Variants in CDK5RAP2 observed in about 807,000 individuals in gnomAD.
The protein encoded by CDK5RAP2 is CDK5 regulatory subunit-associated protein 2.
A neutral mutation model predicts 232.9 loss-of-function variants in CDK5RAP2; 147 were observed. The observed-to-expected ratio is 0.63, with a 90% confidence interval of 0.55 to 0.72. The LOEUF (loss-of-function observed/expected upper bound fraction) is 0.72. Ranked by LOEUF, CDK5RAP2 falls within the 30% of genes least tolerant of loss-of-function variation. CDK5RAP2 has a pLI of 0.00. For synonymous variants in CDK5RAP2, 833 were observed against 833.7 expected, an observed-to-expected ratio of 1.00 and a Z score of 0.01; for missense variants, 2,195 against 2,231.5, an observed-to-expected ratio of 0.98 and a Z score of 0.33.
intron 17 of CDK5RAP2, among the ~76,000 whole-genome samples, chr9:120,469,125 C>A (rs1588421206): frequency 6.6e-6 from 1 of 152,168 alleles, no homozygotes; most frequent in Non-Finnish European, 1.5e-5. Flanking sequence ...ATACTCCTTG[C>A]CCTATTCCTC....
intron 1 of CDK5RAP2, among the ~76,000 whole-genome samples, chr9:120,572,252 ACAT>A (rs1259552493): frequency 6.6e-6 from 1 of 152,204 alleles, no homozygotes; most frequent in African/African-American, 2.4e-5. Flanking sequence ...ACCTTCAGTA[ACAT>A]CATTCATTCA....
At chr9:120,440,093 G>T in intron 23 of CDK5RAP2, 121 bp from the exon 24 acceptor site, 1 of 821,196 alleles carries the variant, frequency 1.2e-6, no homozygotes, top group Non-Finnish European at 2.0e-6. Flanking sequence ...CCCTCAAAAA[G>T]GCCCTAGTAT....
At chr9:120,507,637 G>C (rs1048313485) in intron 12 of CDK5RAP2, among the ~76,000 whole-genome samples, 1 of 151,798 alleles carries the variant, frequency 6.6e-6, no homozygotes, top group Non-Finnish European at 1.5e-5. Context: ...CCATCCTAAG[G>C]AATCTGCAGA....
chr9:120,548,416 C>A (rs978353888), intron 4 of CDK5RAP2, among the ~76,000 whole-genome samples: 1 of 152,178 alleles, frequency 6.6e-6, no homozygotes, highest in African/African-American at 2.4e-5. Flanking sequence ...TTTTCTCAAG[C>A]CCAATATCTC....
intron 12 of CDK5RAP2, among the ~76,000 whole-genome samples, chr9:120,493,908 A>T (rs2039027589): frequency 6.6e-6 from 1 of 152,148 alleles, no homozygotes; most frequent in South Asian, 2.1e-4. Context: ...CTTGGCCAAC[A>T]TGGCGAAACT....
At chr9:120,473,948 A>C (rs1036558574) in intron 15 of CDK5RAP2, among the ~76,000 whole-genome samples, 1 of 152,180 alleles carries the variant, frequency 6.6e-6, no homozygotes, top group Non-Finnish European at 1.5e-5. Context: ...GGGAGAACAA[A>C]AGGTGCTTCA....
In CDK5RAP2 at chr9:120,536,443, G is replaced by T. The variant is rs2041389213; in HGVS notation, c.591C>A (p.Ser197Arg). 14 of 1,614,036 alleles carry T rather than the reference G, an allele frequency of 8.7e-6. No individual in the cohort carries two copies. The highest frequency in any genetic ancestry group is 1.1e-5 in the Non-Finnish European group (13 of 1,180,026). ...GCATCTTCTTCATCTCTGAAAGCTT[G>T]CTTTCCAAACGCAACCGAAGAGCCT... ...TEKALRLRLE[S>R]KLSEMKKMHE... Residue 197 changes from serine (S) to arginine (R), a missense_variant, in exon 7 of 38, where the codon AGC becomes AGA. Physicochemically the swap from Ser to Arg is moderately radical, Grantham distance 110 (BLOSUM62 -1). Transcript: ENST00000349780.
At chr9:120,482,751 G>A (rs573402340) in intron 14 of CDK5RAP2, among the ~76,000 whole-genome samples, 23 of 152,258 alleles carry the variant, frequency 1.5e-4, no homozygotes, top group Admixed American at 1.4e-3. Context: ...TAGGTAAGAG[G>A]GGAACTCAGA....
In CDK5RAP2 at chr9:120,460,589, A is replaced by C. The variant is rs2037028628; in HGVS notation, c.2185T>G (p.Leu729Val). The C allele has an allele frequency of 6.2e-7, 1 of 1,614,044 alleles. No homozygotes were observed. The highest frequency in any genetic ancestry group is 8.5e-7 in the Non-Finnish European group (1 of 1,180,012). The change falls in exon 19 of 38, where the codon TTG becomes GTG. Residue 729 changes from leucine to valine, a missense_variant. Physicochemically the swap from Leu to Val is conservative, Grantham distance 32. Transcript: ENST00000349780. ...DEINFLSDQH[L>V]QQSNEIMKDL... ...GTTCCTACCTCATTACTCTGCTGCA[A>C]ATGCTGGTCACTCAGGAAATTAATC...
intron 32 of CDK5RAP2, among the ~76,000 whole-genome samples, chr9:120,404,423 C>T (rs183559756): frequency 2.6e-4 from 40 of 152,300 alleles, no homozygotes; most frequent in African/African-American, 9.1e-4. Context: ...GGGCACTACC[C>T]CCAACTTGGC....
intron 11 of CDK5RAP2, 94 bp from the exon 12 acceptor site, chr9:120,518,739 A>G (rs2040482522): frequency 1.1e-6 from 1 of 935,822 alleles, no homozygotes; most frequent in Non-Finnish European, 1.7e-6. Context: ...TGGGGGAAAA[A>G]AAGAAAAGAA....
chr9:120,392,520 C>A lies in CDK5RAP2; in HGVS notation c.5578+1992G>T, dbSNP rs1296562541. On this transcript the variant is annotated intron_variant, in intron 36 of 37. Coordinates refer to ENST00000349780, the MANE Select transcript of CDK5RAP2 (RefSeq NM_018249.6). ...CCTGTCAATAGGGTTAGCTACCTGC[C>A]CTGTGACTGTTCAGGGCCAAAGGCT... Among the ~76,000 whole-genome samples the A allele has an allele frequency of 2.0e-5, 3 of 152,192 alleles. No individual in the cohort carries two copies. The East Asian group carries it at 5.8e-4, about 29-fold the overall frequency.
In CDK5RAP2 at chr9:120,515,878, G is replaced by A. The variant is rs1010935366; in HGVS notation, c.1311+2549C>T. Reference sequence around the variant, plus strand: ...AAAAAGTCAGGAAACAACAGGTGCTGGAGAGGATGTGGAGAAATAGGAACA... The same window carrying A: ...AAAAAGTCAGGAAACAACAGGTGCTAGAGAGGATGTGGAGAAATAGGAACA... On this transcript the variant is annotated intron_variant, in intron 12 of 37. Coordinates refer to ENST00000349780, the MANE Select transcript of CDK5RAP2 (RefSeq NM_018249.6). 7.9e-5 allele frequency among the ~76,000 whole-genome samples: 12 copies of A among 152,322 alleles called. No homozygotes were observed. In the South Asian group the frequency reaches 2.1e-3, roughly 26 times the overall value.
intron 30 of CDK5RAP2, among the ~76,000 whole-genome samples, chr9:120,408,873 G>C (rs560207172): frequency 3.3e-5 from 5 of 152,384 alleles, no homozygotes; most frequent in East Asian, 3.9e-4. Context: ...TCAGCTCTCT[G>C]AGCAAATGGC....
intron 27 of CDK5RAP2, among the ~76,000 whole-genome samples, chr9:120,417,455 G>T (rs2034298908): frequency 6.6e-6 from 1 of 152,248 alleles, no homozygotes; most frequent in Non-Finnish European, 1.5e-5. Context: ...TAGTCAGGTA[G>T]GAGTCAGTCA....
intron 19 of CDK5RAP2, among the ~76,000 whole-genome samples, chr9:120,459,197 T>C (rs959099681): frequency 6.6e-6 from 1 of 152,212 alleles, no homozygotes; most frequent in African/African-American, 2.4e-5. Flanking sequence ...AGAGAGTTCC[T>C]AATTCCCATG....
At chr9:120,558,371 CAAAA>C (rs60669308) in intron 3 of CDK5RAP2, among the ~76,000 whole-genome samples, 12 of 40,074 alleles carry the variant, frequency 3.0e-4, no homozygotes, top group South Asian at 3.2e-3. Flanking sequence ...GACTCCGTCT[CAAAA>C]AAAAAAAAAA....
At chr9:120,436,488 T>C (rs2035585542) in intron 25 of CDK5RAP2, among the ~76,000 whole-genome samples, 1 of 152,210 alleles carries the variant, frequency 6.6e-6, no homozygotes, top group South Asian at 2.1e-4. Flanking sequence ...AATTCAAATA[T>C]AGGCTGTATA....
intron 13 of CDK5RAP2, among the ~76,000 whole-genome samples, chr9:120,488,741 C>A (rs757656377): frequency 2.6e-5 from 4 of 152,234 alleles, no homozygotes; most frequent in Non-Finnish European, 5.9e-5. Context: ...ATTATAGCCA[C>A]GCAGATACTG....
Sources: allele counts gnomAD v4.1 joint callset (sites outside exome capture counted in the v4.1 genomes callset), GRCh38; gene constraint gnomAD v4.1.1; transcripts MANE v1.5; gene names NCBI Gene and HGNC (gene_info 2026-07-23, HGNC 2026-07-21).